The following GPR63 variants were observed in gnomAD, a reference collection of about 807,000 sequenced individuals.
The protein encoded by GPR63 is G protein-coupled receptor 63, also known as probable G protein-coupled receptor 63.
GPR63 carries 12 observed loss-of-function variants against 23.1 expected under a neutral mutation model. The ratio of observed to expected loss-of-function variants is 0.52; its 90% CI spans 0.33 to 0.84. The LOEUF (loss-of-function observed/expected upper bound fraction) is 0.84, where lower values mean the gene tolerates loss of function less well. Among genes scored for constraint, GPR63 ranks in the 40% least tolerant of loss-of-function variants. The pLI is 0.02. For missense variants in GPR63, 472 were observed against 515.6 expected (o/e 0.92, Z 0.82); for synonymous variants, 172 against 191.1 (o/e 0.90, Z 0.82).
chr6:96,826,259 G>A (rs933095590), intron 1 of GPR63, among the ~76,000 whole-genome samples: 2 of 152,084 alleles, frequency 1.3e-5, no homozygotes, highest in South Asian at 2.1e-4. Context: ...GTGACTGGCA[G>A]TGTCTTTCCA....
chr6:96,827,018 C>T (rs1387059170), intron 1 of GPR63, among the ~76,000 whole-genome samples: 1 of 134,740 alleles, frequency 7.4e-6, no homozygotes, highest in Non-Finnish European at 1.6e-5. Flanking sequence ...ATAATTACCA[C>T]AAAGTTCCAA....
intron 1 of GPR63, among the ~76,000 whole-genome samples, chr6:96,813,467 G>A (rs1014828914): frequency 1.3e-5 from 2 of 152,130 alleles, no homozygotes; most frequent in Admixed American, 1.3e-4. Flanking sequence ...TATTTGTAAA[G>A]TTTCCAAAGT....
At chr6:96,825,309 G>A (rs1034043667) in intron 1 of GPR63, among the ~76,000 whole-genome samples, 1 of 152,170 alleles carries the variant, frequency 6.6e-6, no homozygotes, top group South Asian at 2.1e-4. Flanking sequence ...TATTACACTG[G>A]AATTGAGCAG....
In GPR63 at chr6:96,799,153, A is replaced by G. The variant is rs1157869371; in HGVS notation, c.579T>C (p.Tyr193=). ...IVQRQDKLNP[Y]RAKVLIAVSW... ...AAACTGCAATCAGAACCTTAGCTCT[A>G]TATGGGTTTAGCTTATCCTGCCTCT... Residue 193 remains tyrosine (Y), a synonymous_variant, in exon 2 of 2, where the codon TAT becomes TAC. Transcript: ENST00000229955. 2 of 1,614,078 alleles carry G rather than the reference A, an allele frequency of 1.2e-6. No individual in the cohort carries two copies. Among genetic ancestry groups the G allele is most frequent in the Non-Finnish European group, 1.7e-6 (2 of 1,180,044 alleles).
chr6:96,820,134 A>G (rs1774276109), intron 1 of GPR63, among the ~76,000 whole-genome samples: 1 of 134,480 alleles, frequency 7.4e-6, no homozygotes, highest in South Asian at 2.3e-4. Context: ...AACATTTCAT[A>G]TTATAAATAT....
intron 1 of GPR63, among the ~76,000 whole-genome samples, chr6:96,829,529 C>T (rs1774526719): frequency 6.7e-6 from 1 of 150,162 alleles, no homozygotes; most frequent in South Asian, 2.1e-4. Flanking sequence ...TTCATCTCTA[C>T]AAAAAATAAA....
At position 96,794,492 on chromosome 6, in the gene GPR63, G is replaced by A. The variant is rs1773532110; in HGVS notation, c.*3980C>T. ...AAATCATTGTAGAATAAAATGTCAA[G>A]CAAGTGAAAACTTTTCTGTGATATA... On this transcript the variant is annotated 3_prime_UTR_variant, in exon 2 of 2. Transcript: ENST00000229955. 1 of 151,988 alleles carries A rather than the reference G, an allele frequency of 6.6e-6. No individual in the cohort carries two copies. Among genetic ancestry groups the A allele is most frequent in the South Asian group, 2.1e-4 (1 of 4,822 alleles). The allele number at this position is 151,988 out of a possible 1,614,324, so 9.4% of individuals were successfully genotyped here.
At chr6:96,800,647 T>C (rs1373455876) in intron 1 of GPR63, among the ~76,000 whole-genome samples, 1 of 152,212 alleles carries the variant, frequency 6.6e-6, no homozygotes, top group Non-Finnish European at 1.5e-5. Context: ...AGTTTTATTT[T>C]ACTAAAGCTC....
chr6:96,819,639 A>T (rs60362586), intron 1 of GPR63, among the ~76,000 whole-genome samples: 1,703 of 152,066 alleles, frequency 0.011, 39 homozygotes, highest in African/African-American at 0.039. Flanking sequence ...TCCATGTAAT[A>T]AACCTGCATG....
Position 96,802,540 on chromosome 6 carries a change from A to ATTTT in GPR63, c.-150-2663_-150-2660dup, listed in dbSNP as rs34928062. 1.2e-3 allele frequency among the ~76,000 whole-genome samples: 157 copies of ATTTT among 136,388 alleles called. 5 individuals are homozygous for ATTTT. Among genetic ancestry groups the ATTTT allele is most frequent in the East Asian group, 8.1e-3 (38 of 4,678 alleles). 89.5% of individuals were successfully genotyped at this position (136,388 alleles called of 152,430 possible). ...ATCAGTAGATAAAAAATTTTTTCTA[A>ATTTT]TTTTTTTTTTTTTTTTTGAGACAGA... On this transcript the variant is annotated intron_variant, in intron 1 of 1. Transcript: ENST00000229955.
At chr6:96,802,828 CAGAGAACA>C (rs1773806411) in intron 1 of GPR63, among the ~76,000 whole-genome samples, 1 of 151,684 alleles carries the variant, frequency 6.6e-6, no homozygotes, top group African/African-American at 2.4e-5. Context: ...GAAACCAGAA[CAGAGAACA>C]ATTTATTCTC....
intron 1 of GPR63, among the ~76,000 whole-genome samples, chr6:96,801,781 A>G (rs1458613758): frequency 6.6e-6 from 1 of 152,112 alleles, no homozygotes; most frequent in Non-Finnish European, 1.5e-5. Context: ...ATCCTCACAT[A>G]TTCACTTTGT....
chr6:96,803,547 G>A (rs1422670109), intron 1 of GPR63, among the ~76,000 whole-genome samples: 3 of 152,192 alleles, frequency 2.0e-5, no homozygotes, highest in Non-Finnish European at 2.9e-5. Flanking sequence ...CTCAGTATCT[G>A]TACAGTGGTC....
At chr6:96,821,400 G>T (rs116296334) in intron 1 of GPR63, among the ~76,000 whole-genome samples, 2,630 of 152,232 alleles carry the variant, frequency 0.017, 76 homozygotes, top group African/African-American at 0.061. Context: ...TCTGCGCTGT[G>T]ATTTTGATCA....
chr6:96,798,391 T>A lies in GPR63; in HGVS notation c.*81A>T, dbSNP rs9320307. The A allele has an allele frequency of 8.0e-4, 1,142 of 1,433,052 alleles. 11 individuals carry two copies. In the African/African-American group the frequency reaches 0.014, roughly 18 times the overall value. The allele number at this position is 1,433,052 out of a possible 1,614,324, so 88.8% of individuals were successfully genotyped here. A position where few individuals can be genotyped will look rare whatever the true frequency, so the allele number is the denominator to read the frequency against. Reference sequence around the variant, plus strand: ...CATACACAAACCCTATAAAAAAAAATAAAGTGGAGAGGCTATGAGAAAGAG... The same window carrying A: ...CATACACAAACCCTATAAAAAAAAAAAAAGTGGAGAGGCTATGAGAAAGAG... On this transcript the variant is annotated 3_prime_UTR_variant, in exon 2 of 2. Transcript: ENST00000229955.
chr6:96,826,172 C>G (rs762837937), intron 1 of GPR63, among the ~76,000 whole-genome samples: 1 of 152,020 alleles, frequency 6.6e-6, no homozygotes, highest in Non-Finnish European at 1.5e-5. Context: ...ATCTGTGAAC[C>G]ATGGGTGGCT....
intron 1 of GPR63, among the ~76,000 whole-genome samples, chr6:96,806,202 G>A (rs183136881): frequency 1.1e-4 from 16 of 152,234 alleles, no homozygotes; most frequent in South Asian, 6.2e-4. Context: ...ACACATGTGC[G>A]ACAGAGTGAA....
intron 1 of GPR63, among the ~76,000 whole-genome samples, chr6:96,805,316 A>C (rs1047605518): frequency 2.6e-5 from 4 of 152,094 alleles, no homozygotes; most frequent in Non-Finnish European, 4.4e-5. Flanking sequence ...CCTTTTAAAA[A>C]ACCAGATCTT....
intron 1 of GPR63, among the ~76,000 whole-genome samples, chr6:96,816,061 T>C (rs940551897): frequency 1.3e-5 from 2 of 152,194 alleles, no homozygotes; most frequent in African/African-American, 2.4e-5. Context: ...TTCTGGTCTA[T>C]TAATATAATA....
Sources: gnomAD v4.1 joint callset for allele counts (sites outside exome capture counted in the v4.1 genomes callset) on GRCh38, gnomAD v4.1.1 for gene constraint, MANE v1.5 for transcripts, NCBI Gene and HGNC (gene_info 2026-07-23, HGNC 2026-07-21) for gene names.